BTBD8: variants seen among roughly 807,000 people sequenced by gnomAD.
BTBD8 encodes BTB/POZ domain-containing protein 8.
In BTBD8, 110 loss-of-function variants were observed where a neutral mutation model predicts 162.9. The observed-to-expected ratio is 0.68, with a 90% CI of 0.58 to 0.79. The LOEUF (loss-of-function observed/expected upper bound fraction) is 0.79. Among genes scored for constraint, BTBD8 ranks in the 30% least tolerant of loss-of-function variants. BTBD8 has a pLI of 0.00. For missense variants in BTBD8, 1,905 were observed against 2,085.4 expected (o/e 0.91, Z 1.68); for synonymous variants, 667 against 716.1 (o/e 0.93, Z 1.10).
At chr1:92,133,467 A>G (rs1382316744) in intron 5 of BTBD8, among the ~76,000 whole-genome samples, 1 of 152,252 alleles carries the variant, frequency 6.6e-6, no homozygotes, top group Non-Finnish European at 1.5e-5. Context: ...CTTACTTTGC[A>G]TAACCAGCAG....
intron 2 of BTBD8, among the ~76,000 whole-genome samples, chr1:92,099,532 C>T (rs1423730189): frequency 1.3e-5 from 2 of 151,946 alleles, no homozygotes; most frequent in African/African-American, 2.4e-5. Flanking sequence ...TCCGTGAACA[C>T]GAGATGTGTT....
chr1:92,157,857 G>A (rs866195002), intron 9 of BTBD8, among the ~76,000 whole-genome samples: 1 of 152,072 alleles, frequency 6.6e-6, no homozygotes, highest in African/African-American at 2.4e-5. Flanking sequence ...TACTATCTTT[G>A]TATTGCTTTC....
intron 4 of BTBD8, among the ~76,000 whole-genome samples, chr1:92,116,589 C>G (rs1165414218): frequency 1.3e-5 from 2 of 151,598 alleles, no homozygotes; most frequent in Admixed American, 6.6e-5. Context: ...TGCTTTTTAC[C>G]CCAGGTAATG....
chr1:92,131,896 G>A (rs1649525349), intron 5 of BTBD8, among the ~76,000 whole-genome samples: 1 of 152,080 alleles, frequency 6.6e-6, no homozygotes, highest in African/African-American at 2.4e-5. Flanking sequence ...TTTTAGTAGA[G>A]GTGAGGTCTC....
intron 13 of BTBD8, 27 bp downstream of exon 13, chr1:92,171,487 A>C (rs755373345): frequency 7.4e-7 from 1 of 1,347,276 alleles, no homozygotes; most frequent in South Asian, 1.5e-5. Flanking sequence ...TTATAGGTAC[A>C]AATGAAAAAG....
At position 92,182,050 on chromosome 1, in the gene BTBD8, A is replaced by G. The variant is rs1353383179; in HGVS notation, c.4367A>G (p.His1456Arg). ...EELGSDEGEVHTPFQASVDSF... is the reference protein window; with the variant it reads ...EELGSDEGEVRTPFQASVDSF... Reference sequence around the variant, plus strand: ...CTGGGATCAGATGAAGGAGAAGTCCATACTCCCTTTCAGGCTTCTGTAGAT... The same window carrying G: ...CTGGGATCAGATGAAGGAGAAGTCCGTACTCCCTTTCAGGCTTCTGTAGAT... Residue 1456 changes from histidine (H) to arginine (R), a missense_variant, in exon 17 of 18, where the codon CAT (histidine) becomes CGT (arginine). By Grantham distance (29) the His-to-Arg change is conservative. Around this residue, in one of 3 missense-constraint regions of BTBD8, gnomAD observed 517 missense variants for 606.6 expected, o/e 0.85. Coordinates refer to ENST00000636805, the MANE Select transcript of BTBD8 (RefSeq NM_001376131.1). The G allele has an allele frequency of 7.1e-6, 11 of 1,551,448 alleles. No individual in the cohort carries two copies. The highest frequency in any genetic ancestry group is 8.7e-6 in the Non-Finnish European group (10 of 1,146,920).
intron 2 of BTBD8, among the ~76,000 whole-genome samples, chr1:92,097,950 A>G (rs927032324): frequency 2.0e-5 from 3 of 152,204 alleles, no homozygotes; most frequent in Non-Finnish European, 4.4e-5. Flanking sequence ...GGACATGCCT[A>G]ATTTCCCCAG....
intron 4 of BTBD8, among the ~76,000 whole-genome samples, chr1:92,109,177 T>C (rs1557442767): frequency 6.6e-6 from 1 of 152,152 alleles, no homozygotes. Context: ...AGATTGAACA[T>C]TATATTTTCC....
chr1:92,145,423 AGAG>A lies in BTBD8; in HGVS notation c.931-1753_931-1751del, dbSNP rs910220468. ...AAAGAAGGTTTTGCTCTTCTCTGAG[AGAG>A]GAGATCTTCAGAAATACACATTTAG... On this transcript the variant is annotated intron_variant, in intron 7 of 17. Transcript: ENST00000636805. Among the ~76,000 whole-genome samples, 7 of 152,340 alleles carry A rather than the reference AGAG, an allele frequency of 4.6e-5. No homozygotes were observed. The South Asian group carries it at 1.2e-3, about 27-fold the overall frequency.
rs533721071 is a variant in BTBD8, at chr1:92,139,158, A to T, written c.753-192A>T. ...ACATACTAATAACCTTGTATAACTT[A>T]TATAAAAATCCATTGTTGTAGTTCT... On this transcript the variant is annotated intron_variant, in intron 5 of 17. Transcript: ENST00000636805. Among the ~76,000 whole-genome samples, 201 of 152,282 alleles carry T rather than the reference A, an allele frequency of 1.3e-3. 1 individual carries two copies. The highest frequency in any genetic ancestry group is 4.7e-3 in the African/African-American group (196 of 41,560).
intron 13 of BTBD8, among the ~76,000 whole-genome samples, chr1:92,175,955 T>A (rs775800196): frequency 1.3e-5 from 2 of 152,198 alleles, no homozygotes; most frequent in Non-Finnish European, 2.9e-5. Flanking sequence ...CAGTGCCATT[T>A]TATTTGTCCC....
Position 92,108,076 on chromosome 1 carries a change from C to T in BTBD8, c.662+75C>T, listed in dbSNP as rs569746380. The T allele has an allele frequency of 1.1e-4, 154 of 1,372,616 alleles. No individual in the cohort carries two copies. The East Asian group carries it at 1.3e-3, about 11-fold the overall frequency. The allele number at this position is 1,372,616 out of a possible 1,614,324, so 85.0% of individuals were successfully genotyped here. On this transcript the variant is annotated intron_variant, in intron 4 of 17. Coordinates refer to ENST00000636805, the MANE Select transcript of BTBD8 (RefSeq NM_001376131.1). ...GAAGGGCAGCTGTCTCTTACCAGCA[C>T]GGTGGTTTTCAAACTCTGGTTTTCA...
At chr1:92,111,951 C>G (rs564762242) in intron 4 of BTBD8, among the ~76,000 whole-genome samples, 1 of 152,268 alleles carries the variant, frequency 6.6e-6, no homozygotes, top group African/African-American at 2.4e-5. Context: ...TTTCAAGAGT[C>G]ACTTGGGTTT....
At chr1:92,092,394 CAAAA>C (rs60361376) in intron 2 of BTBD8, among the ~76,000 whole-genome samples, 3 of 131,546 alleles carry the variant, frequency 2.3e-5, no homozygotes, top group Admixed American at 7.6e-5. Context: ...AGGCTATCTC[CAAAA>C]AAAAAAAAAA....
chr1:92,126,897 T>A (rs1341646189), intron 4 of BTBD8, among the ~76,000 whole-genome samples: 1 of 152,204 alleles, frequency 6.6e-6, no homozygotes, highest in Non-Finnish European at 1.5e-5. Flanking sequence ...TGATTTCTCA[T>A]TAAGCTTTAA....
intron 5 of BTBD8, among the ~76,000 whole-genome samples, chr1:92,138,737 G>T (rs1192623596): frequency 6.6e-6 from 1 of 152,172 alleles, no homozygotes; most frequent in Non-Finnish European, 1.5e-5. Context: ...CTCTCAACAA[G>T]ATGGGAATAA....
chr1:92,171,401 G>A lies in BTBD8; in HGVS notation c.1576G>A (p.Ala526Thr). The change falls in exon 13 of 18, where the codon GCA becomes ACA. Residue 526 changes from alanine to threonine, a missense_variant and splice_region_variant. By Grantham distance (58) the Ala-to-Thr change is moderately conservative (BLOSUM62 0). Coordinates refer to ENST00000636805, the MANE Select transcript of BTBD8 (RefSeq NM_001376131.1). ...CAAATTGCTGTTTCTTTCTACAGCTGCATTTGACAAAGGTGATGATCGAAG... is the reference window on the plus strand; with the variant it reads ...CAAATTGCTGTTTCTTTCTACAGCTACATTTGACAAAGGTGATGATCGAAG... Reference protein sequence around the residue: ...TDDQQKIQAAAFDKGDDRRLG... With the variant: ...TDDQQKIQAATFDKGDDRRLG... The A allele has an allele frequency of 6.5e-7, 1 of 1,538,682 alleles. No homozygotes were observed. Among genetic ancestry groups the A allele is most frequent in the South Asian group, 1.2e-5 (1 of 81,406 alleles).
At chr1:92,112,596 T>G (rs1427874064) in intron 4 of BTBD8, among the ~76,000 whole-genome samples, 1 of 151,856 alleles carries the variant, frequency 6.6e-6, no homozygotes, top group East Asian at 1.9e-4. Flanking sequence ...AATTCCTCAT[T>G]TTTTTCAATT....
At chr1:92,108,103 A>G in intron 4 of BTBD8, 102 bp downstream of exon 4, 1 of 1,090,426 alleles carries the variant, frequency 9.2e-7, no homozygotes. Context: ...TGGTTTTCAC[A>G]CAGGCCACAG....
Sources: allele counts gnomAD v4.1 joint callset (sites outside exome capture counted in the v4.1 genomes callset), GRCh38; gene constraint gnomAD v4.1.1; regional missense constraint gnomAD v4.1.1; transcripts MANE v1.5; gene names NCBI Gene and HGNC (gene_info 2026-07-23, HGNC 2026-07-21).